Variants in SCMH1 observed in about 807,000 individuals in gnomAD.
SCMH1 encodes the protein polycomb protein SCMH1.
A neutral mutation model predicts 70.8 loss-of-function variants in SCMH1; 37 were observed. The observed-to-expected ratio is 0.52, with a 90% CI of 0.40 to 0.69. The LOEUF (loss-of-function observed/expected upper bound fraction) is 0.69, where lower values mean the gene tolerates loss of function less well. Among genes scored for constraint, SCMH1 ranks in the 30% least tolerant of loss-of-function variants. The pLI is 0.00. For missense variants in SCMH1, 607 were observed against 827.3 expected (o/e 0.73, Z 3.27); for synonymous variants, 292 against 307.4 (o/e 0.95, Z 0.52).
chr1:41,117,216 C>T (rs551101281), intron 6 of SCMH1, among the ~76,000 whole-genome samples: 1 of 151,858 alleles, frequency 6.6e-6, no homozygotes, highest in Non-Finnish European at 1.5e-5. Flanking sequence ...TAGTTTGTAG[C>T]AATTATTCTT....
chr1:41,032,401 T>C (rs1410873816), intron 13 of SCMH1, among the ~76,000 whole-genome samples: 1 of 152,102 alleles, frequency 6.6e-6, no homozygotes, highest in Non-Finnish European at 1.5e-5. Flanking sequence ...AAATAGCACA[T>C]GTAGGATTTA....
At chr1:41,140,867 C>T (rs1644000070) in intron 6 of SCMH1, among the ~76,000 whole-genome samples, 4 of 152,126 alleles carry the variant, frequency 2.6e-5, no homozygotes, top group Admixed American at 2.6e-4. Flanking sequence ...GACAACTTGA[C>T]AAGTTTCCTT....
rs546168562 is a variant in SCMH1, at chr1:41,217,089, T to C, written c.-118+24970A>G. Among the ~76,000 whole-genome samples, 4 of 152,232 alleles carry C rather than the reference T, an allele frequency of 2.6e-5. No individual in the cohort carries two copies. In the South Asian group the frequency reaches 8.3e-4, roughly 32 times the overall value. ...GGGACTGAAAGAATTTTGAGATGCT[T>C]GATAGAAAAAGTCTAAATTTCCTTG... On this transcript the variant is annotated intron_variant, in intron 1 of 14. Coordinates refer to ENST00000337495, the Ensembl canonical transcript of SCMH1.
chr1:41,155,231 AT>A (rs1358688655), intron 4 of SCMH1, among the ~76,000 whole-genome samples: 1 of 152,210 alleles, frequency 6.6e-6, no homozygotes, highest in Admixed American at 6.5e-5. Context: ...TAAAAATGGC[AT>A]TAAAGTACCT....
intron 10 of SCMH1, among the ~76,000 whole-genome samples, chr1:41,065,645 C>T (rs1558578588): frequency 1.3e-5 from 2 of 152,004 alleles, no homozygotes; most frequent in Non-Finnish European, 2.9e-5. Flanking sequence ...AATAGAGAGC[C>T]CAGAAATAAA....
intron 8 of SCMH1, among the ~76,000 whole-genome samples, chr1:41,094,725 C>A (rs911775690): frequency 6.6e-6 from 1 of 151,970 alleles, no homozygotes; most frequent in African/African-American, 2.4e-5. Flanking sequence ...CCCGTCTCTA[C>A]TAAAAATACA....
chr1:41,027,393 C>T (rs1036240987), exon 15 of SCMH1: 2 of 152,266 alleles, frequency 1.3e-5, no homozygotes, highest in Non-Finnish European at 2.9e-5. Flanking sequence ...TGATTTTCTT[C>T]GACAGCAGTT....
chr1:41,133,999 A>G (rs2148114784), intron 6 of SCMH1, among the ~76,000 whole-genome samples: 1 of 152,360 alleles, frequency 6.6e-6, no homozygotes, highest in Admixed American at 6.5e-5. Flanking sequence ...ATTTTAGACC[A>G]CTATCACTGA....
At chr1:41,132,367 T>C (rs1642488247) in intron 6 of SCMH1, among the ~76,000 whole-genome samples, 1 of 152,238 alleles carries the variant, frequency 6.6e-6, no homozygotes. Context: ...TGTCTGTTCA[T>C]ATCTGTTGCC....
chr1:41,044,232 C>T (rs1247852893), intron 12 of SCMH1, among the ~76,000 whole-genome samples: 1 of 151,982 alleles, frequency 6.6e-6, no homozygotes, highest in African/African-American at 2.4e-5. Context: ...CAGTAAGCAC[C>T]CAGATAACAG....
At chr1:41,145,093 G>A (rs1644431948) in intron 5 of SCMH1, among the ~76,000 whole-genome samples, 1 of 152,062 alleles carries the variant, frequency 6.6e-6, no homozygotes, top group Admixed American at 6.6e-5. Context: ...TTTTGATGAA[G>A]TTTAAATTAT....
At chr1:41,122,381 C>G (rs903889473) in intron 6 of SCMH1, among the ~76,000 whole-genome samples, 4 of 152,198 alleles carry the variant, frequency 2.6e-5, no homozygotes, top group Non-Finnish European at 4.4e-5. Context: ...TGTTCCTTGA[C>G]TACTTTACCC....
rs757643360 is a variant in SCMH1 at position 41,033,967 on chromosome 1, G to GT, written c.1678+3394dup. 2 of 1,613,706 alleles carry GT rather than the reference G, an allele frequency of 1.2e-6. No individual in the cohort carries two copies. The highest frequency in any genetic ancestry group is 1.1e-5 in the South Asian group (1 of 91,036). On this transcript the variant is annotated intron_variant, in intron 13 of 14. Transcript: ENST00000337495. ...GGCCTTGGGGAAGATAAAAATAACA[G>GT]TAACTCCCCTCATACCTGGGGAACG...
chr1:41,054,979 C>T (rs1210408089), intron 10 of SCMH1, among the ~76,000 whole-genome samples: 1 of 152,114 alleles, frequency 6.6e-6, no homozygotes, highest in East Asian at 1.9e-4. Flanking sequence ...GACGGGTTCT[C>T]ACTATGTTGC....
At chr1:41,078,990 A>G (rs1027963882) in intron 8 of SCMH1, among the ~76,000 whole-genome samples, 1 of 152,260 alleles carries the variant, frequency 6.6e-6, no homozygotes, top group Non-Finnish European at 1.5e-5. Context: ...AGTGGAGAGT[A>G]AATGGAGCCA....
rs1364613780 is a variant in SCMH1, at chr1:41,028,567, C to T, written c.1821+17G>A. 1.9e-6 allele frequency: 3 copies of T among 1,613,886 alleles called. No homozygotes were observed. The highest frequency in any genetic ancestry group is 2.5e-6 in the Non-Finnish European group (3 of 1,179,956). ...TCCACACAGGTTCCTACTGAGAGGT[C>T]AGGCAGCAGCACCTACGTGTTTGCG... is the stretch of plus-strand genomic sequence containing the variant. On this transcript the variant is annotated intron_variant, in intron 14 of 14. Coordinates refer to ENST00000337495, the Ensembl canonical transcript of SCMH1.
At chr1:41,161,300 G>A in intron 3 of SCMH1, 64 bp downstream of exon 3, 1 of 1,544,788 alleles carries the variant, frequency 6.5e-7, no homozygotes, top group East Asian at 2.5e-5. Flanking sequence ...TAACAACGAA[G>A]GTTTTATGGG....
intron 2 of SCMH1, among the ~76,000 whole-genome samples, chr1:41,172,733 C>T (rs916417033): frequency 6.6e-6 from 1 of 152,106 alleles, no homozygotes; most frequent in Non-Finnish European, 1.5e-5. Flanking sequence ...GGCATAAGAA[C>T]ACACATATAT....
chr1:41,199,746 G>A (rs75699343), intron 1 of SCMH1, among the ~76,000 whole-genome samples: 1 of 151,840 alleles, frequency 6.6e-6, no homozygotes, highest in African/African-American at 2.4e-5. Context: ...GGGGGTGGGA[G>A]GATGCTGAAA....
Sources: allele counts gnomAD v4.1 joint callset (sites outside exome capture counted in the v4.1 genomes callset), GRCh38; gene constraint gnomAD v4.1.1; transcripts MANE v1.5; gene names NCBI Gene and HGNC (gene_info 2026-07-23, HGNC 2026-07-21).